Variants in SAMHD1 observed in about 807,000 individuals in gnomAD.
SAMHD1 encodes the protein deoxynucleoside triphosphate triphosphohydrolase SAMHD1.
In SAMHD1, 54 loss-of-function variants were observed where a neutral mutation model predicts 79.6. That is an observed-to-expected ratio of 0.68 (90% CI 0.55 to 0.85). The LOEUF (loss-of-function observed/expected upper bound fraction) is 0.85, where lower values mean the gene tolerates loss of function less well. Among genes scored for constraint, SAMHD1 ranks in the 40% least tolerant of loss-of-function variants. SAMHD1 has a pLI of 0.00. For missense variants in SAMHD1, 663 were observed against 782.7 expected (o/e 0.85, Z 1.82); for synonymous variants, 260 against 264.1 (o/e 0.98, Z 0.15).
At chr20:36,933,374 A>T (rs1038388175) in intron 4 of SAMHD1, among the ~76,000 whole-genome samples, 1 of 152,218 alleles carries the variant, frequency 6.6e-6, no homozygotes, top group African/African-American at 2.4e-5. Flanking sequence ...ATTTCCTGAC[A>T]GGTAAGAAAA....
At chr20:36,894,243 T>C (rs1038544151) in intron 15 of SAMHD1, 13 of 200,132 alleles carry the variant, frequency 6.5e-5, no homozygotes, top group African/African-American at 1.3e-4. Context: ...AAATGTGTTA[T>C]TATTTTTTTT....
intron 9 of SAMHD1, among the ~76,000 whole-genome samples, chr20:36,913,440 C>T (rs923557238): frequency 2.7e-4 from 41 of 151,102 alleles, no homozygotes; most frequent in Admixed American, 1.4e-3. Flanking sequence ...CCTGTCTCTA[C>T]AAAAATACAA....
intron 6 of SAMHD1, among the ~76,000 whole-genome samples, chr20:36,920,754 A>G (rs1416438957): frequency 8.5e-6 from 1 of 118,124 alleles, no homozygotes; most frequent in Non-Finnish European, 1.7e-5. Flanking sequence ...ACAAAGTGAC[A>G]CTCTGTTTCA....
At chr20:36,924,723 A>ATTTCTTTTC (rs2063526330) in intron 6 of SAMHD1, among the ~76,000 whole-genome samples, 1 of 152,122 alleles carries the variant, frequency 6.6e-6, no homozygotes, top group South Asian at 2.1e-4. Context: ...TCAGATAAAA[A>ATTTCTTTTC]TTTCTTTTCT....
intron 6 of SAMHD1, among the ~76,000 whole-genome samples, chr20:36,922,986 A>G (rs934785770): frequency 6.6e-6 from 1 of 151,786 alleles, no homozygotes; most frequent in African/African-American, 2.4e-5. Flanking sequence ...AAAAATATCT[A>G]TATATAAAGA....
intron 1 of SAMHD1, among the ~76,000 whole-genome samples, chr20:36,948,304 G>A (rs1362895046): frequency 3.9e-5 from 6 of 151,976 alleles, no homozygotes; most frequent in Admixed American, 2.0e-4. Context: ...CCAGGCTGGA[G>A]TGCAGTGGCG....
At chr20:36,948,524 A>G (rs1312045286) in intron 1 of SAMHD1, among the ~76,000 whole-genome samples, 4 of 149,094 alleles carry the variant, frequency 2.7e-5, no homozygotes, top group Non-Finnish European at 5.9e-5. Flanking sequence ...AAGTGCTGGG[A>G]TTACAGGCGT....
chr20:36,933,830 A>C (rs1010658163), intron 4 of SAMHD1, among the ~76,000 whole-genome samples: 11 of 152,136 alleles, frequency 7.2e-5, no homozygotes, highest in African/African-American at 2.4e-4. Context: ...GCGGATCACG[A>C]GGTCAAGAAA....
chr20:36,896,859 T>TA (rs927980802), intron 15 of SAMHD1, among the ~76,000 whole-genome samples: 21 of 124,662 alleles, frequency 1.7e-4, no homozygotes, highest in South Asian at 3.0e-4. Flanking sequence ...ATTAATTAAT[T>TA]AAAAAAAAAA....
intron 6 of SAMHD1, among the ~76,000 whole-genome samples, chr20:36,921,270 G>A (rs1467009737): frequency 6.6e-6 from 1 of 151,040 alleles, no homozygotes; most frequent in African/African-American, 2.4e-5. Context: ...GCATGCACCT[G>A]TAGTCCCAGC....
intron 13 of SAMHD1, 112 bp from the exon 14 acceptor site, chr20:36,898,656 A>G (rs1043952477): frequency 1.7e-5 from 14 of 814,128 alleles, no homozygotes; most frequent in Non-Finnish European, 2.3e-5. Flanking sequence ...GCTCATGCCT[A>G]TAATCCCAGC....
Position 36,897,909 on chromosome 20 carries a change from A to G in SAMHD1, c.1659T>C (p.Tyr553=). Residue 553 remains tyrosine, a synonymous_variant, in exon 15 of 16, where the codon TAT becomes TAC. Coordinates refer to ENST00000646673, the MANE Select transcript of SAMHD1 (RefSeq NM_015474.4). ...EKFAEQLIRV[Y]CKKVDRKSLY... ...AACTCTTTCTGTCCACCTTCTTACA[A>G]TATACTCGAATCAGCTGCTCTGCAA... 3.1e-6 allele frequency: 5 copies of G among 1,614,228 alleles called. No individual in the cohort carries two copies. Among genetic ancestry groups the G allele is most frequent in the Non-Finnish European group, 4.2e-6 (5 of 1,180,048 alleles).
At chr20:36,928,584 C>A (rs1390010729) in intron 5 of SAMHD1, among the ~76,000 whole-genome samples, 1 of 151,844 alleles carries the variant, frequency 6.6e-6, no homozygotes, top group East Asian at 1.9e-4. Flanking sequence ...ACTCAGGAGG[C>A]TGAGGCAGGA....
chr20:36,934,311 G>A (rs1170622031), intron 4 of SAMHD1, among the ~76,000 whole-genome samples: 3 of 151,610 alleles, frequency 2.0e-5, no homozygotes, highest in African/African-American at 4.8e-5. Flanking sequence ...GGCTCACAAG[G>A]TCAGGAGATC....
chr20:36,917,470 G>A (rs186828623), intron 7 of SAMHD1, among the ~76,000 whole-genome samples: 209 of 152,222 alleles, frequency 1.4e-3, no homozygotes, highest in African/African-American at 4.7e-3. Context: ...TGGCCAAGAT[G>A]GTGAAACCCT....
chr20:36,922,919 T>C lies in SAMHD1; in HGVS notation c.697-3400A>G, dbSNP rs565750925. ...CCACCTTGGCCTCCCAAAATGTTGA[T>C]ATTACAACCATGAGCCACTGTGCCT... is the stretch of plus-strand genomic sequence containing the variant. On this transcript the variant is annotated intron_variant, in intron 6 of 15. Coordinates refer to ENST00000646673, the MANE Select transcript of SAMHD1 (RefSeq NM_015474.4). Among the ~76,000 whole-genome samples the C allele has an allele frequency of 3.3e-5, 5 of 150,866 alleles. No individual in the cohort carries two copies. The South Asian group carries it at 1.1e-3, about 32-fold the overall frequency.
chr20:36,918,078 C>T (rs771954014), intron 7 of SAMHD1, among the ~76,000 whole-genome samples: 1 of 151,588 alleles, frequency 6.6e-6, no homozygotes, highest in African/African-American at 2.4e-5. Context: ...AGTGCAGTTG[C>T]ACAATCACAG....
intron 4 of SAMHD1, 103 bp from the exon 5 acceptor site, chr20:36,930,978 C>A: frequency 1.3e-6 from 1 of 780,884 alleles, no homozygotes; most frequent in East Asian, 2.6e-5. Context: ...TCTAACATAC[C>A]TTTAGGGCAA....
At chr20:36,948,384 C>G (rs577208435) in intron 1 of SAMHD1, among the ~76,000 whole-genome samples, 1 of 152,154 alleles carries the variant, frequency 6.6e-6, no homozygotes, top group Non-Finnish European at 1.5e-5. Context: ...TCCCAAGTAG[C>G]TGGGACTACA....
Sources: gnomAD v4.1 joint callset for allele counts (sites outside exome capture counted in the v4.1 genomes callset) on GRCh38, gnomAD v4.1.1 for gene constraint, MANE v1.5 for transcripts, NCBI Gene and HGNC (gene_info 2026-07-23, HGNC 2026-07-21) for gene names.